Variants in RAPGEF4 observed in about 807,000 individuals in gnomAD.
RAPGEF4 encodes the protein Rap guanine nucleotide exchange factor 4, also known as RAP guanine-nucleotide-exchange factor (GEF) 4.
Under a neutral mutation model 147.9 loss-of-function variants are expected in RAPGEF4, and 66 were observed. The observed-to-expected ratio is 0.45, with a 90% confidence interval of 0.37 to 0.55. The LOEUF (loss-of-function observed/expected upper bound fraction) is 0.55. RAPGEF4 is among the 20% of genes least tolerant of loss of function. RAPGEF4 has a pLI of 0.00. For missense variants in RAPGEF4, 1,071 were observed against 1,257.3 expected (o/e 0.85, Z 2.24); for synonymous variants, 419 against 442.7 (o/e 0.95, Z 0.67).
intron 4 of RAPGEF4, among the ~76,000 whole-genome samples, chr2:172,898,038 C>T (rs1413564468): frequency 6.6e-6 from 1 of 152,064 alleles, no homozygotes; most frequent in Non-Finnish European, 1.5e-5. Context: ...GCAGGCTGAG[C>T]ACAGCTGTGT....
At chr2:173,025,381 T>C (rs893391849) in intron 23 of RAPGEF4, among the ~76,000 whole-genome samples, 8 of 152,366 alleles carry the variant, frequency 5.3e-5, no homozygotes, top group African/African-American at 1.7e-4. Context: ...TTGTATAATA[T>C]TAGGACTTCT....
chr2:172,747,735 T>C (rs1694910733), intron 1 of RAPGEF4, among the ~76,000 whole-genome samples: 1 of 152,192 alleles, frequency 6.6e-6, no homozygotes. Flanking sequence ...AGTGCTGGGA[T>C]TACAGGCAGG....
At chr2:172,889,584 G>A (rs368716477) in intron 4 of RAPGEF4, among the ~76,000 whole-genome samples, 6 of 151,938 alleles carry the variant, frequency 3.9e-5, no homozygotes, top group African/African-American at 1.4e-4. Context: ...AAGGGGACAT[G>A]TTTATACGCA....
At chr2:172,851,644 G>A (rs1357886355) in intron 4 of RAPGEF4, among the ~76,000 whole-genome samples, 1 of 152,196 alleles carries the variant, frequency 6.6e-6, no homozygotes, top group African/African-American at 2.4e-5. Flanking sequence ...GTTCTTTGCA[G>A]CAACATGGTT....
intron 4 of RAPGEF4, among the ~76,000 whole-genome samples, chr2:172,846,996 G>A (rs1313793701): frequency 2.0e-5 from 3 of 152,200 alleles, no homozygotes; most frequent in Admixed American, 1.3e-4. Flanking sequence ...TTAGTACAGT[G>A]CCTGGCGTGT....
At chr2:173,024,027 A>G (rs191634208) in intron 23 of RAPGEF4, among the ~76,000 whole-genome samples, 90 of 152,248 alleles carry the variant, frequency 5.9e-4, no homozygotes, top group Non-Finnish European at 1.0e-3. Flanking sequence ...ATTTGTTTCC[A>G]TATGCTACTT....
intron 1 of RAPGEF4, among the ~76,000 whole-genome samples, chr2:172,793,353 A>C (rs1468653020): frequency 1.3e-5 from 2 of 152,188 alleles, no homozygotes; most frequent in Non-Finnish European, 2.9e-5. Context: ...TCTTTTGAGG[A>C]GACACAGTTC....
intron 10 of RAPGEF4, among the ~76,000 whole-genome samples, chr2:172,974,281 A>G (rs1024440521): frequency 6.6e-6 from 1 of 152,216 alleles, no homozygotes; most frequent in African/African-American, 2.4e-5. Flanking sequence ...TGTGCTCTTT[A>G]CTGTGCACTA....
chr2:172,805,197 A>ACTGGAGGGGAGACAATGGTCC (rs1156467662), intron 3 of RAPGEF4, among the ~76,000 whole-genome samples: 1 of 152,000 alleles, frequency 6.6e-6, no homozygotes, highest in African/African-American at 2.4e-5. Context: ...GCTTCAAGAG[A>ACTGGAGGGGAGACAATGGTCC]CTGGAGGGGA....
intron 4 of RAPGEF4, among the ~76,000 whole-genome samples, chr2:172,881,998 A>G (rs1256746505): frequency 6.6e-6 from 1 of 152,144 alleles, no homozygotes; most frequent in Admixed American, 6.5e-5. Context: ...AGATTTAACA[A>G]TAAGCTCTTT....
chr2:172,817,555 G>A (rs538183152), intron 4 of RAPGEF4, among the ~76,000 whole-genome samples: 1 of 152,212 alleles, frequency 6.6e-6, no homozygotes, highest in Admixed American at 6.5e-5. Context: ...GAACTATACG[G>A]GGAACAATTA....
At chr2:172,988,307 C>G (rs370039988) in intron 13 of RAPGEF4, 35 bp downstream of exon 13, 2 of 1,584,510 alleles carry the variant, frequency 1.3e-6, no homozygotes, top group South Asian at 2.4e-5. Context: ...AACTTTATTA[C>G]GCTCCACTTA....
intron 1 of RAPGEF4, among the ~76,000 whole-genome samples, chr2:172,739,002 G>C (rs1218355616): frequency 6.6e-6 from 1 of 152,182 alleles, no homozygotes; most frequent in African/African-American, 2.4e-5. Flanking sequence ...GTGGGGAAGG[G>C]TGTTGCAAGT....
intron 4 of RAPGEF4, among the ~76,000 whole-genome samples, chr2:172,897,764 A>AT (rs142965204): frequency 1.5e-4 from 18 of 123,846 alleles, no homozygotes; most frequent in Non-Finnish European, 1.7e-4. Context: ...ATTTTATTTT[A>AT]TTTATTTTAT....
intron 17 of RAPGEF4, among the ~76,000 whole-genome samples, chr2:173,002,968 C>G (rs564728122): frequency 1.4e-3 from 217 of 152,232 alleles, no homozygotes; most frequent in African/African-American, 5.0e-3. Flanking sequence ...CATTATAGAC[C>G]TTTGAGATTT....
chr2:172,919,539 G>C (rs2676514), intron 5 of RAPGEF4, among the ~76,000 whole-genome samples: 136,245 of 152,028 alleles, frequency 0.9, 61,259 homozygotes, highest in East Asian at 1. Context: ...TTCTTCCCCC[G>C]CTTATGGAAG....
At chr2:172,749,716 C>T (rs922470918) in intron 1 of RAPGEF4, among the ~76,000 whole-genome samples, 6 of 152,238 alleles carry the variant, frequency 3.9e-5, no homozygotes, top group Non-Finnish European at 8.8e-5. Flanking sequence ...ATGAATTTCT[C>T]CTCAGAAAAT....
intron 4 of RAPGEF4, among the ~76,000 whole-genome samples, chr2:172,886,761 T>C (rs1168629075): frequency 7.7e-6 from 1 of 130,208 alleles, no homozygotes; most frequent in Non-Finnish European, 1.8e-5. Flanking sequence ...GATTTTACTA[T>C]TTTTTTTTCT....
chr2:172,883,224 C>T (rs570052806), intron 4 of RAPGEF4, among the ~76,000 whole-genome samples: 2 of 152,172 alleles, frequency 1.3e-5, no homozygotes, highest in Non-Finnish European at 2.9e-5. Context: ...TCTTACAGTT[C>T]TAGAGGCTGA....
Sources: gnomAD v4.1 joint callset for allele counts (sites outside exome capture counted in the v4.1 genomes callset) on GRCh38, gnomAD v4.1.1 for gene constraint, MANE v1.5 for transcripts, NCBI Gene and HGNC (gene_info 2026-07-23, HGNC 2026-07-21) for gene names.